Variants in FAIM2 observed in about 807,000 individuals in gnomAD.
FAIM2 encodes Fas apoptotic inhibitory molecule 2, also known as protein lifeguard 2.
A neutral mutation model predicts 47.4 loss-of-function variants in FAIM2; 27 were observed. The observed-to-expected ratio is 0.57, with a 90% CI of 0.42 to 0.78. FAIM2 has a LOEUF of 0.78. Among genes scored for constraint, FAIM2 ranks in the 30% least tolerant of loss-of-function variants. The probability of loss-of-function intolerance (pLI) is 0.00; values close to 1 mark genes in which losing one functional copy is unlikely to be tolerated. For synonymous variants in FAIM2, 156 were observed against 159.3 expected (o/e 0.98, Z 0.16); for missense variants, 311 against 389.4 (o/e 0.80, Z 1.69).
rs553652742 is a variant in FAIM2 at position 49,903,710 on chromosome 12, T to G, written c.15+68A>C. 65 of 1,544,248 alleles carry G rather than the reference T, an allele frequency of 4.2e-5. No individual in the cohort carries two copies. The African/African-American group carries it at 8.2e-4, about 20-fold the overall frequency. ...GGATGCTTTCGTGGTCCAGAGGGCT[T>G]GCTGAGGATGACAGGGAGCCGGGAG... On this transcript the variant is annotated intron_variant, in intron 1 of 11. Transcript: ENST00000320634.
intron 11 of FAIM2, among the ~76,000 whole-genome samples, chr12:49,875,635 G>C (rs184966499): frequency 6.6e-6 from 1 of 152,132 alleles, no homozygotes; most frequent in Non-Finnish European, 1.5e-5. Flanking sequence ...GATGAAAGGG[G>C]GGTAGTGTAT....
intron 11 of FAIM2, among the ~76,000 whole-genome samples, chr12:49,871,878 C>T (rs2078658838): frequency 6.6e-6 from 1 of 152,138 alleles, no homozygotes; most frequent in Non-Finnish European, 1.5e-5. Context: ...GTTGGTCAGG[C>T]TGGTCCTGAA....
intron 10 of FAIM2, among the ~76,000 whole-genome samples, chr12:49,888,541 G>A (rs574726908): frequency 3.9e-5 from 6 of 152,156 alleles, no homozygotes; most frequent in African/African-American, 1.2e-4. Context: ...ACATGCAGGG[G>A]CCTGGGTGCC....
chr12:49,879,701 T>TGTGA lies in FAIM2; in HGVS notation c.801+7684_801+7685insTCAC, dbSNP rs757821912. Among the ~76,000 whole-genome samples the TGTGA allele has an allele frequency of 1.6e-3, 39 of 23,706 alleles. 1 individual carries two copies. Among genetic ancestry groups the TGTGA allele is most frequent in the African/African-American group, 9.7e-3 (37 of 3,806 alleles). The allele number at this position is 23,706 out of a possible 152,430, so 15.6% of individuals were successfully genotyped here. The stretch of plus-strand genomic sequence containing the variant: ...ATGTGTGTATCTGTGTCTGTGTGCA[T>TGTGA]GTGTGTGTGTGTGTATATGTGCAAG... On this transcript the variant is annotated intron_variant, in intron 11 of 11. Transcript: ENST00000320634.
chr12:49,879,106 GTATGTGCATGTGTA>G (rs1565613750), intron 11 of FAIM2, among the ~76,000 whole-genome samples: 2 of 136,976 alleles, frequency 1.5e-5, no homozygotes, highest in Non-Finnish European at 3.1e-5. Flanking sequence ...GTGAGTGTAT[GTATGTGCATGTGTA>G]TATGTGCATA....
intron 5 of FAIM2, among the ~76,000 whole-genome samples, chr12:49,894,100 G>A (rs1465237156): frequency 6.6e-6 from 1 of 152,210 alleles, no homozygotes; most frequent in African/African-American, 2.4e-5. Flanking sequence ...TGCCACTACT[G>A]TTGTGTGACC....
chr12:49,879,209 AGT>A (rs1199409394), intron 11 of FAIM2, among the ~76,000 whole-genome samples: 2 of 72,140 alleles, frequency 2.8e-5, no homozygotes, highest in Non-Finnish European at 5.3e-5. Flanking sequence ...TATGTGTATG[AGT>A]GTGTATGTGC....
At chr12:49,889,086 C>CA in intron 10 of FAIM2, 21 bp downstream of exon 10, 1 of 1,581,276 alleles carries the variant, frequency 6.3e-7, no homozygotes, top group South Asian at 1.1e-5. Context: ...ATGGGGCCTG[C>CA]TGGGGGACCC....
chr12:49,900,262 G>A, intron 2 of FAIM2: 1 of 1,264,432 alleles, frequency 7.9e-7, no homozygotes, highest in Non-Finnish European at 1.0e-6. Context: ...CCTATGAGCA[G>A]AGGCTCTGTC....
intron 8 of FAIM2, 40 bp downstream of exon 8, chr12:49,890,077 T>C (rs372487665): frequency 3.2e-5 from 51 of 1,601,816 alleles, no homozygotes; most frequent in Non-Finnish European, 3.8e-5. Flanking sequence ...GCTCCAAGCC[T>C]GGCCTATGGT....
rs370393562 is a variant in FAIM2, at chr12:49,891,352, G to A, written c.435-238C>T. ...AAACAGGGAATCTTGGGTCACATGA[G>A]ACAGCTGTTCCTGACCACCCAATAC... On this transcript the variant is annotated intron_variant, in intron 5 of 11. Transcript: ENST00000320634. Among the ~76,000 whole-genome samples, 13 of 152,304 alleles carry A rather than the reference G, an allele frequency of 8.5e-5. No individual in the cohort carries two copies. In the East Asian group the frequency reaches 2.3e-3, roughly 27 times the overall value.
chr12:49,895,883 C>T (rs929251025), intron 5 of FAIM2, among the ~76,000 whole-genome samples: 10 of 152,232 alleles, frequency 6.6e-5, no homozygotes, highest in Admixed American at 1.3e-4. Flanking sequence ...CTTGACCCCA[C>T]GAGGCCCCAC....
chr12:49,879,842 G>C (rs548383127), intron 11 of FAIM2, among the ~76,000 whole-genome samples: 1 of 151,252 alleles, frequency 6.6e-6, no homozygotes, highest in Non-Finnish European at 1.5e-5. Context: ...GTGCATGTGT[G>C]AGTGTATGTA....
chr12:49,878,836 GTGTGTGCA>G (rs1946770565), intron 11 of FAIM2, among the ~76,000 whole-genome samples: 1 of 60,682 alleles, frequency 1.6e-5, no homozygotes, highest in Non-Finnish European at 2.9e-5. Flanking sequence ...GTGAGTGTAT[GTGTGTGCA>G]TGTGTGTATG....
Position 49,889,212 on chromosome 12 carries a change from C to T in FAIM2, c.652-10G>A, listed in dbSNP as rs749610879. 5 of 1,604,226 alleles carry T rather than the reference C, an allele frequency of 3.1e-6. No individual in the cohort carries two copies. In the East Asian group the frequency reaches 8.9e-5, roughly 29 times the overall value. On this transcript the variant is annotated splice_polypyrimidine_tract_variant and intron_variant, in intron 9 of 11. Coordinates refer to ENST00000320634, the MANE Select transcript of FAIM2 (RefSeq NM_012306.4). Reference sequence around the variant, plus strand: ...AGGAGGTGAAGTCGAACTGTGGGGACAGGATGGGGTTAGCTGCAGGAGCGG... The same window carrying T: ...AGGAGGTGAAGTCGAACTGTGGGGATAGGATGGGGTTAGCTGCAGGAGCGG...
chr12:49,889,631 T>C, intron 8 of FAIM2, 63 bp from the exon 9 acceptor site: 1 of 1,360,846 alleles, frequency 7.3e-7, no homozygotes, highest in Admixed American at 1.7e-5. Context: ...CCCACCCTCC[T>C]AGCAGGCCCC....
intron 11 of FAIM2, among the ~76,000 whole-genome samples, chr12:49,883,769 G>A (rs1435275641): frequency 6.6e-6 from 1 of 152,126 alleles, no homozygotes; most frequent in African/African-American, 2.4e-5. Flanking sequence ...TGGTGGCCTG[G>A]ACACCAAGGG....
intron 11 of FAIM2, among the ~76,000 whole-genome samples, chr12:49,885,619 A>C (rs1592789802): frequency 6.6e-6 from 1 of 152,150 alleles, no homozygotes; most frequent in East Asian, 1.9e-4. Flanking sequence ...CAGTGCTGAA[A>C]CTGGAAAAGT....
rs189787605 is a variant in FAIM2, at chr12:49,889,367, C to T, written c.651+114G>A. The T allele has an allele frequency of 3.8e-4, 403 of 1,071,294 alleles. 3 individuals carry two copies. In the African/African-American group the frequency reaches 5.8e-3, roughly 15 times the overall value. 66.4% of individuals were successfully genotyped at this position (1,071,294 alleles called of 1,614,324 possible). ...AGGTGGCTTCCCCAAACCCAACTCA[C>T]CCCCTTTACTTCTCTCCCCAGCCCC... On this transcript the variant is annotated intron_variant, in intron 9 of 11. Coordinates refer to ENST00000320634, the MANE Select transcript of FAIM2 (RefSeq NM_012306.4).
Sources: gnomAD v4.1 joint callset for allele counts (sites outside exome capture counted in the v4.1 genomes callset) on GRCh38, gnomAD v4.1.1 for gene constraint, MANE v1.5 for transcripts, NCBI Gene and HGNC (gene_info 2026-07-23, HGNC 2026-07-21) for gene names.